Variants in GPC6 observed in about 807,000 individuals in gnomAD.
GPC6 encodes glypican-6.
Under a neutral mutation model 55.2 loss-of-function variants are expected in GPC6, and 14 were observed. The ratio of observed to expected loss-of-function variants is 0.25; its 90% CI spans 0.17 to 0.40. The LOEUF is 0.40. GPC6 is among the 10% of genes least tolerant of loss of function. The pLI, the probability that GPC6 is intolerant of heterozygous loss-of-function variation, is 1.00. For synonymous variants in GPC6, 278 were observed against 259.6 expected (o/e 1.07, Z -0.68); for missense variants, 641 against 708.5 (o/e 0.90, Z 1.08).
At chr13:94,226,869 G>C (rs1347832044) in intron 4 of GPC6, among the ~76,000 whole-genome samples, 4 of 152,170 alleles carry the variant, frequency 2.6e-5, no homozygotes, top group Non-Finnish European at 5.9e-5. Context: ...TCAGTGACTA[G>C]AGTTCTGTGA....
At chr13:93,856,284 C>T (rs1888607522) in intron 3 of GPC6, among the ~76,000 whole-genome samples, 1 of 151,472 alleles carries the variant, frequency 6.6e-6, no homozygotes. Flanking sequence ...AGCAGAATAT[C>T]GTGACTCCTA....
At chr13:93,236,908 T>C (rs1417800133) in intron 1 of GPC6, among the ~76,000 whole-genome samples, 1 of 152,244 alleles carries the variant, frequency 6.6e-6, no homozygotes, top group Non-Finnish European at 1.5e-5. Context: ...ATTTCATTTT[T>C]TTAGGGCTGA....
chr13:93,616,115 T>C (rs1300361897), intron 2 of GPC6, among the ~76,000 whole-genome samples: 1 of 152,090 alleles, frequency 6.6e-6, no homozygotes, highest in Non-Finnish European at 1.5e-5. Flanking sequence ...CTGTCCTACT[T>C]TCACTGTTTG....
Position 93,946,171 on chromosome 13 carries a change from T to C in GPC6, c.712-81558T>C, listed in dbSNP as rs144901319. Among the ~76,000 whole-genome samples, 155 of 152,324 alleles carry C rather than the reference T, an allele frequency of 1.0e-3. 2 individuals are homozygous for C. In the East Asian group the frequency reaches 0.027, roughly 26 times the overall value. On this transcript the variant is annotated intron_variant, in intron 3 of 8. Transcript: ENST00000377047. ...TAATGAACATGAAGTTGGGAAGCAA[T>C]GTGCAAAAGAATAATAGCATTATGT... is the stretch of plus-strand genomic sequence containing the variant.
intron 4 of GPC6, among the ~76,000 whole-genome samples, chr13:94,165,651 T>G (rs1327608508): frequency 1.3e-5 from 2 of 152,090 alleles, no homozygotes; most frequent in African/African-American, 4.8e-5. Flanking sequence ...AAATAAAAAT[T>G]TTTTTTAAAT....
chr13:93,577,481 A>C (rs1273872041), intron 2 of GPC6, among the ~76,000 whole-genome samples: 1 of 70,118 alleles, frequency 1.4e-5, no homozygotes, highest in Non-Finnish European at 2.7e-5. Context: ...GCTGTTCAAA[A>C]ATAGATAGCA....
chr13:93,543,814 T>C (rs1273601110), intron 1 of GPC6, among the ~76,000 whole-genome samples: 1 of 152,136 alleles, frequency 6.6e-6, no homozygotes, highest in African/African-American at 2.4e-5. Context: ...ATGTATTGAT[T>C]TCCTTCTCTT....
intron 2 of GPC6, among the ~76,000 whole-genome samples, chr13:93,659,485 C>T (rs1282725217): frequency 6.6e-6 from 1 of 151,874 alleles, no homozygotes; most frequent in African/African-American, 2.4e-5. Context: ...ATTTGGCATC[C>T]TAATTATATA....
In GPC6 at chr13:94,097,506, C is replaced by CAAAA. The variant is rs869307863; in HGVS notation, c.877+69631_877+69634dup. On this transcript the variant is annotated intron_variant, in intron 4 of 8. Transcript: ENST00000377047. ...TGGGCCACAGAGCAAGACTCTGTCT[C>CAAAA]AAAAAAAAAAAAAAAAAAAAAAGAG... 6.7e-3 allele frequency among the ~76,000 whole-genome samples: 467 copies of CAAAA among 70,012 alleles called. 19 individuals carry two copies. Among genetic ancestry groups the CAAAA allele is most frequent in the Middle Eastern group, 0.017 (2 of 116 alleles). 45.9% of individuals were successfully genotyped at this position (70,012 alleles called of 152,430 possible).
chr13:93,840,264 T>C (rs1372535820), intron 3 of GPC6, among the ~76,000 whole-genome samples: 1 of 152,114 alleles, frequency 6.6e-6, no homozygotes, highest in East Asian at 1.9e-4. Flanking sequence ...ACAGGAGATG[T>C]TACAACTGAC....
intron 3 of GPC6, among the ~76,000 whole-genome samples, chr13:93,876,817 G>T (rs1392963157): frequency 6.6e-6 from 1 of 151,966 alleles, no homozygotes; most frequent in Non-Finnish European, 1.5e-5. Flanking sequence ...AATGCAAAAT[G>T]ACGGGCTCAT....
At chr13:93,423,005 G>A (rs1876980425) in intron 1 of GPC6, among the ~76,000 whole-genome samples, 1 of 152,050 alleles carries the variant, frequency 6.6e-6, no homozygotes, top group Middle Eastern at 3.2e-3. Flanking sequence ...TTTAATGCTG[G>A]GAGTCAGCAT....
intron 6 of GPC6, among the ~76,000 whole-genome samples, chr13:94,381,782 A>G (rs144455844): frequency 6.6e-6 from 1 of 152,316 alleles, no homozygotes; most frequent in Non-Finnish European, 1.5e-5. Context: ...GCTGGCACTA[A>G]GCTTTTCCTG....
At chr13:93,682,571 A>G (rs1445538778) in intron 2 of GPC6, among the ~76,000 whole-genome samples, 1 of 152,158 alleles carries the variant, frequency 6.6e-6, no homozygotes, top group Non-Finnish European at 1.5e-5. Context: ...ATATGTCTAT[A>G]AAACAACTGA....
intron 2 of GPC6, among the ~76,000 whole-genome samples, chr13:93,682,203 C>T (rs1434713669): frequency 6.6e-6 from 1 of 152,084 alleles, no homozygotes. Context: ...AATGCGTTTG[C>T]AGCCAATTTA....
chr13:93,910,303 T>C (rs1009926301), intron 3 of GPC6, among the ~76,000 whole-genome samples: 3 of 152,166 alleles, frequency 2.0e-5, no homozygotes, highest in Non-Finnish European at 2.9e-5. Flanking sequence ...CCCACCACCA[T>C]GTGAGAAGTC....
chr13:93,736,734 A>G (rs1315821927), intron 2 of GPC6, among the ~76,000 whole-genome samples: 1 of 152,168 alleles, frequency 6.6e-6, no homozygotes, highest in Non-Finnish European at 1.5e-5. Context: ...TTGCACGGAG[A>G]TAGAGGATAC....
chr13:94,112,815 C>A (rs748005417), intron 4 of GPC6, among the ~76,000 whole-genome samples: 1 of 151,846 alleles, frequency 6.6e-6, no homozygotes, highest in African/African-American at 2.4e-5. Flanking sequence ...TACAGATTGC[C>A]GAAAGAAAGG....
chr13:94,302,079 G>A (rs1875680479), intron 5 of GPC6, among the ~76,000 whole-genome samples: 2 of 152,086 alleles, frequency 1.3e-5, no homozygotes, highest in Non-Finnish European at 2.9e-5. Context: ...AATTTCCTTT[G>A]TCACCCACCT....
Sources: allele counts gnomAD v4.1 joint callset (sites outside exome capture counted in the v4.1 genomes callset), GRCh38; gene constraint gnomAD v4.1.1; transcripts MANE v1.5; gene names NCBI Gene and HGNC (gene_info 2026-07-23, HGNC 2026-07-21).